EAF2: variants seen among roughly 807,000 people sequenced by gnomAD.
The protein encoded by EAF2 is ELL associated factor 2.
In EAF2, 29 loss-of-function variants were observed where a neutral mutation model predicts 29.4. The observed-to-expected ratio is 0.99, with a 90% confidence interval of 0.73 to 1.35. The LOEUF is 1.35. Ranked by LOEUF, EAF2 falls within the 40% of genes most tolerant of loss-of-function variation. The pLI is 0.00. For synonymous variants in EAF2, 103 were observed against 102.5 expected, an observed-to-expected ratio of 1.00 and a Z score of -0.03; for missense variants, 292 against 312.0, an observed-to-expected ratio of 0.94 and a Z score of 0.48.
intron 5 of EAF2, among the ~76,000 whole-genome samples, chr3:121,877,360 C>G (rs1709118014): frequency 1.3e-5 from 2 of 151,862 alleles, no homozygotes; most frequent in Middle Eastern, 6.8e-3. Context: ...ATAGACATAC[C>G]TATTCTAATA....
intron 1 of EAF2, among the ~76,000 whole-genome samples, chr3:121,841,785 G>A (rs796248364): frequency 5.9e-5 from 9 of 151,400 alleles, no homozygotes; most frequent in African/African-American, 2.2e-4. Flanking sequence ...CGAGGCGGGC[G>A]GATCACGAGG....
At chr3:121,848,531 G>A (rs1246190487) in intron 2 of EAF2, among the ~76,000 whole-genome samples, 1 of 152,066 alleles carries the variant, frequency 6.6e-6, no homozygotes, top group Non-Finnish European at 1.5e-5. Context: ...ATCTAGAGGC[G>A]TGTTGCCATT....
intron 5 of EAF2, among the ~76,000 whole-genome samples, chr3:121,880,463 T>A (rs902351061): frequency 7.2e-6 from 1 of 139,486 alleles, no homozygotes; most frequent in Admixed American, 6.9e-5. Context: ...GGGGTGTGTG[T>A]GTGTGTGTGT....
chr3:121,854,955 T>TAGAAA, intron 3 of EAF2, 132 bp downstream of exon 3: 1 of 952,394 alleles, frequency 1.0e-6, no homozygotes, highest in Non-Finnish European at 1.5e-6. Flanking sequence ...AATCTTTTTC[T>TAGAAA]AAGTTTAAAT....
chr3:121,876,185 A>C (rs1310113344), intron 5 of EAF2, among the ~76,000 whole-genome samples: 2 of 151,956 alleles, frequency 1.3e-5, no homozygotes, highest in African/African-American at 4.8e-5. Flanking sequence ...CTACAAAAGA[A>C]TAGTCTGACA....
chr3:121,875,552 A>G (rs1709081332), intron 5 of EAF2, among the ~76,000 whole-genome samples: 1 of 152,078 alleles, frequency 6.6e-6, no homozygotes, highest in African/African-American at 2.4e-5. Flanking sequence ...ACTTAATTCT[A>G]AAACAGAAGA....
chr3:121,859,914 C>T (rs1708794667), intron 4 of EAF2, among the ~76,000 whole-genome samples: 1 of 152,188 alleles, frequency 6.6e-6, no homozygotes, highest in African/African-American at 2.4e-5. Flanking sequence ...GCCTTTTCTG[C>T]ATCTATTGAG....
rs1007705597 is a variant in EAF2, at chr3:121,862,084, C to G, written c.484+4928C>G. Among the ~76,000 whole-genome samples, 3 of 152,306 alleles carry G rather than the reference C, an allele frequency of 2.0e-5. No individual in the cohort carries two copies. In the East Asian group the frequency reaches 5.8e-4, roughly 29 times the overall value. On this transcript the variant is annotated intron_variant, in intron 4 of 5. Coordinates refer to ENST00000273668, the MANE Select transcript of EAF2 (RefSeq NM_018456.6). ...TCGCTTTGTGGGTAACCCGACCTTT[C>G]TCTCTGGCTTCCTTTAACATTTTTT...
intron 2 of EAF2, among the ~76,000 whole-genome samples, chr3:121,852,140 C>T (rs1708645833): frequency 6.6e-6 from 1 of 152,150 alleles, no homozygotes; most frequent in East Asian, 1.9e-4. Context: ...GATACTTCTT[C>T]AGGTGCTGAG....
intron 2 of EAF2, among the ~76,000 whole-genome samples, chr3:121,850,045 CT>C (rs1708602635): frequency 6.8e-6 from 1 of 147,852 alleles, no homozygotes; most frequent in African/African-American, 2.5e-5. Flanking sequence ...TACTTTTTTT[CT>C]TTTGTGTATT....
At chr3:121,841,736 G>A (rs1379905300) in intron 1 of EAF2, among the ~76,000 whole-genome samples, 4 of 151,108 alleles carry the variant, frequency 2.6e-5, no homozygotes, top group African/African-American at 7.3e-5. Flanking sequence ...AAGGCCGGGC[G>A]CAGTTGCTCA....
Position 121,843,728 on chromosome 3 carries a change from A to G in EAF2, c.107-725A>G, listed in dbSNP as rs188698338. On this transcript the variant is annotated intron_variant, in intron 1 of 5. Coordinates refer to ENST00000273668, the MANE Select transcript of EAF2 (RefSeq NM_018456.6). ...AGTACCCTGAATTTCCTCCTAGATG[A>G]TAGATTTTAATGGCATCGTTTGAAC... Among the ~76,000 whole-genome samples the G allele has an allele frequency of 3.1e-3, 466 of 152,228 alleles. 3 individuals carry two copies. Among genetic ancestry groups the G allele is most frequent in the Middle Eastern group, 6.8e-3 (2 of 294 alleles).
At chr3:121,866,011 G>A (rs1708920152) in intron 4 of EAF2, among the ~76,000 whole-genome samples, 1 of 152,024 alleles carries the variant, frequency 6.6e-6, no homozygotes, top group South Asian at 2.1e-4. Context: ...CCAATAAAGG[G>A]GATCCTGCCA....
At chr3:121,857,255 A>G in intron 4 of EAF2, 99 bp downstream of exon 4, 2 of 998,884 alleles carry the variant, frequency 2.0e-6, no homozygotes, top group Non-Finnish European at 2.9e-6. Context: ...GCACTTTAGG[A>G]GGCCGAGGCA....
chr3:121,860,926 T>G (rs1048184336), intron 4 of EAF2, among the ~76,000 whole-genome samples: 1 of 152,180 alleles, frequency 6.6e-6, no homozygotes, highest in Non-Finnish European at 1.5e-5. Flanking sequence ...ATTTTGTTAT[T>G]TACCCAGTAG....
At chr3:121,836,979 T>G (rs1362610026) in intron 1 of EAF2, among the ~76,000 whole-genome samples, 1 of 152,202 alleles carries the variant, frequency 6.6e-6, no homozygotes, top group East Asian at 1.9e-4. Flanking sequence ...GCCTTTCATT[T>G]ATAAAGGTTC....
At chr3:121,850,915 G>C (rs1360156730) in intron 2 of EAF2, among the ~76,000 whole-genome samples, 1 of 151,824 alleles carries the variant, frequency 6.6e-6, no homozygotes, top group East Asian at 1.9e-4. Context: ...TGACCAGGCT[G>C]GTCTCAAACT....
rs777451752 is a variant in EAF2, at chr3:121,872,835, T to A, written c.736+47T>A. On this transcript the variant is annotated intron_variant, in intron 5 of 5. Transcript: ENST00000273668. ...CAATTGGAAAAGTAAGAATTTATAGTGGAGCCATATTGATTGTGACCTAAT... is the reference window on the plus strand; with the variant it reads ...CAATTGGAAAAGTAAGAATTTATAGAGGAGCCATATTGATTGTGACCTAAT... 1.9e-6 allele frequency: 3 copies of A among 1,574,038 alleles called. No individual in the cohort carries two copies. In the South Asian group the frequency reaches 3.6e-5, roughly 19 times the overall value.
chr3:121,877,425 G>A (rs1221971804), intron 5 of EAF2, among the ~76,000 whole-genome samples: 2 of 151,746 alleles, frequency 1.3e-5, no homozygotes, highest in African/African-American at 4.8e-5. Context: ...TCATATTTAA[G>A]GTACATTTGA....
Sources: allele counts gnomAD v4.1 joint callset (sites outside exome capture counted in the v4.1 genomes callset), GRCh38; gene constraint gnomAD v4.1.1; transcripts MANE v1.5; gene names NCBI Gene and HGNC (gene_info 2026-07-23, HGNC 2026-07-21).